IGFBP5: variants seen among roughly 807,000 people sequenced by gnomAD.
The protein encoded by IGFBP5 is insulin like growth factor binding protein 5.
In IGFBP5, 12 loss-of-function variants were observed where a neutral mutation model predicts 28.0. The ratio of observed to expected loss-of-function variants is 0.43; its 90% CI spans 0.27 to 0.69. IGFBP5 has a LOEUF of 0.69. Among genes scored for constraint, IGFBP5 ranks in the 30% least tolerant of loss-of-function variants. The pLI is 0.20. For synonymous variants in IGFBP5, 152 were observed against 150.2 expected, an observed-to-expected ratio of 1.01 and a Z score of -0.09; for missense variants, 344 against 381.6, an observed-to-expected ratio of 0.90 and a Z score of 0.82.
chr2:216,685,174 G>A (rs11575163), intron 1 of IGFBP5, among the ~76,000 whole-genome samples: 4,212 of 151,954 alleles, frequency 0.028, 174 homozygotes, highest in African/African-American at 0.093. Context: ...CCAGCTGCTC[G>A]GGAAGCTGAG....
intron 2 of IGFBP5, among the ~76,000 whole-genome samples, chr2:216,678,526 T>C (rs1281113552): frequency 6.6e-6 from 1 of 152,168 alleles, no homozygotes; most frequent in African/African-American, 2.4e-5. Context: ...GAGGTGCCCA[T>C]TTCTAGATGC....
In IGFBP5 at chr2:216,672,822, C is replaced by T. The variant is rs904445748; in HGVS notation, c.*3929G>A. ...TAAACTATATACTCCATTAGAAAAC[C>T]AAGAAAGTATGTTTGAAATAGAAAC... On this transcript the variant is annotated 3_prime_UTR_variant, in exon 4 of 4. Transcript: ENST00000233813. 3.9e-5 allele frequency: 6 copies of T among 152,486 alleles called. No individual in the cohort carries two copies. Among genetic ancestry groups the T allele is most frequent in the African/African-American group, 9.7e-5 (4 of 41,376 alleles). 9.4% of individuals were successfully genotyped at this position (152,486 alleles called of 1,614,324 possible).
intron 1 of IGFBP5, among the ~76,000 whole-genome samples, chr2:216,684,217 C>G (rs941777491): frequency 6.6e-6 from 1 of 152,344 alleles, no homozygotes; most frequent in Admixed American, 6.5e-5. Context: ...CTGTTCTCTT[C>G]CAGTAGAGTC....
At chr2:216,682,282 C>G (rs920210153) in intron 1 of IGFBP5, among the ~76,000 whole-genome samples, 1 of 152,112 alleles carries the variant, frequency 6.6e-6, no homozygotes, top group African/African-American at 2.4e-5. Context: ...CTGTAGGCTC[C>G]AGAGAGACAG....
At chr2:216,691,540 TC>T (rs1351797658) in intron 1 of IGFBP5, among the ~76,000 whole-genome samples, 2 of 152,174 alleles carry the variant, frequency 1.3e-5, no homozygotes, top group African/African-American at 4.8e-5. Context: ...TCCGTATCTA[TC>T]TCTGCTCCTG....
intron 1 of IGFBP5, among the ~76,000 whole-genome samples, chr2:216,689,989 GA>G (rs1175715342): frequency 2.0e-5 from 3 of 151,292 alleles, no homozygotes; most frequent in African/African-American, 4.9e-5. Context: ...GAGAGAGAGA[GA>G]GAGAAATGAC....
At chr2:216,687,761 A>G (rs1160059390) in intron 1 of IGFBP5, among the ~76,000 whole-genome samples, 1 of 152,068 alleles carries the variant, frequency 6.6e-6, no homozygotes, top group Non-Finnish European at 1.5e-5. Context: ...TCTCCTGGCC[A>G]CTTTCCCATC....
intron 2 of IGFBP5, 109 bp downstream of exon 2, chr2:216,678,741 T>C (rs1688933864): frequency 2.3e-6 from 2 of 868,356 alleles, no homozygotes; most frequent in Admixed American, 2.3e-5. Context: ...TGGTGGGCTG[T>C]AGGTCCTCTG....
chr2:216,681,079 G>T (rs1239956746), intron 1 of IGFBP5, among the ~76,000 whole-genome samples: 1 of 152,146 alleles, frequency 6.6e-6, no homozygotes, highest in African/African-American at 2.4e-5. Flanking sequence ...TGGGGACTTT[G>T]TACAAATTGA....
intron 1 of IGFBP5, among the ~76,000 whole-genome samples, chr2:216,691,416 C>T (rs1187402317): frequency 1.1e-5 from 1 of 93,518 alleles, no homozygotes; most frequent in African/African-American, 3.7e-5. Flanking sequence ...CAAAAATGCC[C>T]GAAAGCAAAC....
rs991441925 is a variant in IGFBP5 at position 216,694,975 on chromosome 2, C to G, written c.-200G>C. ...GGGCTGGGGTGCCTGCGAGCAGGTCCCAGTTGCAAGAATTAAAGCCTTGCA... is the reference window on the plus strand; with the variant it reads ...GGGCTGGGGTGCCTGCGAGCAGGTCGCAGTTGCAAGAATTAAAGCCTTGCA... On this transcript the variant is annotated 5_prime_UTR_variant, in exon 1 of 4. Coordinates refer to ENST00000233813, the MANE Select transcript of IGFBP5 (RefSeq NM_000599.4). The surrounding 1 kb of genome is among the most constrained non-coding windows in gnomAD (Gnocchi z 5.2). 1 of 404,194 alleles carries G rather than the reference C, an allele frequency of 2.5e-6. No individual in the cohort carries two copies. The highest frequency in any genetic ancestry group is 3.6e-5 in the East Asian group (1 of 27,722). 25.0% of individuals were successfully genotyped at this position (404,194 alleles called of 1,614,324 possible).
chr2:216,694,630 T>G lies in IGFBP5; in HGVS notation c.146A>C (p.Lys49Thr). 6.5e-7 allele frequency: 1 copy of G among 1,535,606 alleles called. No homozygotes were observed. Among genetic ancestry groups the G allele is most frequent in the Non-Finnish European group, 8.7e-7 (1 of 1,143,508 alleles). ...CATGCAGCAGCCGCAGCCCGGCTCC[T>G]TGACCAGCTCGCAGCCCAGGGGGCT... ...PPSPLGCELV[K>T]EPGCGCCMTC... Residue 49 changes from lysine (K) to threonine (T), a missense_variant, in exon 1 of 4, where the codon AAG becomes ACG. Lys to Thr is a moderately conservative substitution (Grantham distance 78). This residue lies in a region of IGFBP5 where 304 missense variants were observed against 329.2 expected (regional missense o/e 0.92). Transcript: ENST00000233813. This position sits in a 1 kb window ranked among gnomAD's most constrained non-coding sequence, Gnocchi z 5.2.
In IGFBP5 at chr2:216,678,972, C is replaced by A. The variant is rs1436556946; in HGVS notation, c.445G>T (p.Ala149Ser). The part of the protein sequence containing the change: ...PKHTRISELK[A>S]EAVKKDRRKK... Reference sequence around the variant, plus strand: ...CTGCGGTCCTTCTTCACTGCTTCAGCCTTCAGCTCGGAGATGCGGGTGTGT... The same window carrying A: ...CTGCGGTCCTTCTTCACTGCTTCAGACTTCAGCTCGGAGATGCGGGTGTGT... The change falls in exon 2 of 4, where the codon GCT becomes TCT. Residue 149 changes from alanine to serine, a missense_variant. Physicochemically the swap from Ala to Ser is moderately conservative, Grantham distance 99. Coordinates refer to ENST00000233813, the MANE Select transcript of IGFBP5 (RefSeq NM_000599.4). The A allele has an allele frequency of 3.7e-6, 6 of 1,614,156 alleles. No homozygotes were observed. The highest frequency in any genetic ancestry group is 1.7e-5 in the Admixed American group (1 of 60,026).
At position 216,678,124 on chromosome 2, in the gene IGFBP5, G is replaced by A. The variant is rs777587823; in HGVS notation, c.675C>T (p.Tyr225=). 1 of 1,553,578 alleles carries A rather than the reference G, an allele frequency of 6.4e-7. No homozygotes were observed. Among genetic ancestry groups the A allele is most frequent in the Non-Finnish European group, 8.7e-7 (1 of 1,144,130 alleles). The change falls in exon 3 of 4, where the codon TAC becomes TAT. Residue 225 remains tyrosine (Y), a synonymous_variant. Coordinates refer to ENST00000233813, the MANE Select transcript of IGFBP5 (RefSeq NM_000599.4). The stretch of plus-strand genomic sequence containing the variant: ...GCAGGGGACGTACCTGCTTTCTCTT[G>A]TAGAATCCTTTGCGGTCACAATTGG... The part of the protein sequence containing the change: ...YLPNCDRKGF[Y]KRKQCKPSRG...
chr2:216,676,720 G>C lies in IGFBP5; in HGVS notation c.*31C>G. 1.3e-6 allele frequency: 2 copies of C among 1,547,714 alleles called. No individual in the cohort carries two copies. The highest frequency in any genetic ancestry group is 2.7e-5 in the African/African-American group (2 of 73,016). On this transcript the variant is annotated 3_prime_UTR_variant, in exon 4 of 4. Coordinates refer to ENST00000233813, the MANE Select transcript of IGFBP5 (RefSeq NM_000599.4). ...GCTGGAGTCGGGGCTGGGGGTGGGA[G>C]GGGGTGAGGGAAAGGTTGGGGGGGG...
Position 216,694,704 on chromosome 2 carries a change from G to C in IGFBP5, c.72C>G (p.Phe24Leu). ...TCTCGTCGCAGGGCTCGCAGTGCACGAAGGAGCCCAGGCTCTGGGCCGGCC... is the reference window on the plus strand; with the variant it reads ...TCTCGTCGCAGGGCTCGCAGTGCACCAAGGAGCCCAGGCTCTGGGCCGGCC... ...YAGPAQSLGS[F>L]VHCEPCDEKA... Residue 24 changes from phenylalanine to leucine, a missense_variant, in exon 1 of 4, where the codon TTC becomes TTG. Around this residue, in one of 3 missense-constraint regions of IGFBP5, gnomAD observed 304 missense variants for 329.2 expected, o/e 0.92. Transcript: ENST00000233813. This position sits in a 1 kb window ranked among gnomAD's most constrained non-coding sequence, Gnocchi z 5.2. 6.7e-7 allele frequency: 1 copy of C among 1,498,400 alleles called. No homozygotes were observed. The highest frequency in any genetic ancestry group is 8.9e-7 in the Non-Finnish European group (1 of 1,128,146). 92.8% of individuals were successfully genotyped at this position (1,498,400 alleles called of 1,614,324 possible).
chr2:216,680,660 T>A (rs966916724), intron 1 of IGFBP5, among the ~76,000 whole-genome samples: 1 of 152,210 alleles, frequency 6.6e-6, no homozygotes, highest in African/African-American at 2.4e-5. Context: ...AGAAGGTCCC[T>A]GCCCTAAAGA....
At chr2:216,678,330 G>C (rs1428690644) in intron 2 of IGFBP5, 99 bp from the exon 3 acceptor site, 5 of 1,283,312 alleles carry the variant, frequency 3.9e-6, no homozygotes, top group Non-Finnish European at 4.1e-6. Context: ...AGGGTCTCTG[G>C]AGGAAAGTCA....
chr2:216,673,993 A>C lies in IGFBP5; in HGVS notation c.*2758T>G, dbSNP rs1379052914. 2 of 152,650 alleles carry C rather than the reference A, an allele frequency of 1.3e-5. No homozygotes were observed. The highest frequency in any genetic ancestry group is 2.9e-5 in the Non-Finnish European group (2 of 68,064). 9.5% of individuals were successfully genotyped at this position (152,650 alleles called of 1,614,324 possible). A position where few individuals can be genotyped will look rare whatever the true frequency, so the allele number is the denominator to read the frequency against. ...TCTGGCGCACTTACACCAGGCTCTA[A>C]TCCCCCACCTGATGGCTGGCAGCAA... On this transcript the variant is annotated 3_prime_UTR_variant, in exon 4 of 4. Coordinates refer to ENST00000233813, the MANE Select transcript of IGFBP5 (RefSeq NM_000599.4). The surrounding 1 kb of genome is among the most constrained non-coding windows in gnomAD (Gnocchi z 4.3).
Sources: gnomAD v4.1 joint callset for allele counts (sites outside exome capture counted in the v4.1 genomes callset) on GRCh38, gnomAD v4.1.1 for gene constraint, gnomAD v4.1.1 regional missense constraint, Gnocchi (gnomAD v3.1) non-coding constraint, MANE v1.5 for transcripts, NCBI Gene and HGNC (gene_info 2026-07-23, HGNC 2026-07-21) for gene names.